CNTNAP2: variants seen among roughly 807,000 people sequenced by gnomAD.
CNTNAP2 encodes contactin associated protein 2.
Under a neutral mutation model 155.2 loss-of-function variants are expected in CNTNAP2, and 98 were observed. The ratio of observed to expected loss-of-function variants is 0.63; its 90% CI spans 0.54 to 0.75. The LOEUF is 0.75. Among genes scored for constraint, CNTNAP2 ranks in the 30% least tolerant of loss-of-function variants. CNTNAP2 has a pLI of 0.00. For synonymous variants in CNTNAP2, 651 were observed against 631.2 expected, an observed-to-expected ratio of 1.03 and a Z score of -0.47; for missense variants, 1,727 against 1,688.1, an observed-to-expected ratio of 1.02 and a Z score of -0.40.
At chr7:146,277,046 G>A (rs1050599483) in intron 1 of CNTNAP2, among the ~76,000 whole-genome samples, 13 of 152,122 alleles carry the variant, frequency 8.5e-5, no homozygotes, top group Admixed American at 2.0e-4. Flanking sequence ...TCCAATGAGC[G>A]TGTCTTTATG....
intron 8 of CNTNAP2, among the ~76,000 whole-genome samples, chr7:147,249,627 G>GAAAAAA (rs1464227999): frequency 1.7e-5 from 1 of 60,026 alleles, no homozygotes; most frequent in African/African-American, 6.9e-5. Flanking sequence ...AAAAAAAAAG[G>GAAAAAA]TTTCAGCACC....
At chr7:146,537,829 T>TTAGC (rs1797892793) in intron 1 of CNTNAP2, among the ~76,000 whole-genome samples, 1 of 152,008 alleles carries the variant, frequency 6.6e-6, no homozygotes, top group Non-Finnish European at 1.5e-5. Flanking sequence ...GTGGGGGATA[T>TTAGC]TAGCAGCAGA....
intron 8 of CNTNAP2, among the ~76,000 whole-genome samples, chr7:147,154,817 T>C (rs1257759275): frequency 6.6e-6 from 1 of 151,922 alleles, no homozygotes; most frequent in Non-Finnish European, 1.5e-5. Context: ...TACAGGTAAA[T>C]ATTTCTCTGA....
At chr7:146,914,449 C>T (rs1013045256) in intron 3 of CNTNAP2, among the ~76,000 whole-genome samples, 15 of 152,034 alleles carry the variant, frequency 9.9e-5, no homozygotes, top group African/African-American at 3.6e-4. Context: ...ACATCCACGC[C>T]AACATCTATT....
chr7:147,696,863 A>T (rs950469718), intron 13 of CNTNAP2, among the ~76,000 whole-genome samples: 1 of 151,728 alleles, frequency 6.6e-6, no homozygotes, highest in African/African-American at 2.4e-5. Context: ...CTCTGAGGAG[A>T]TGTCAGACGT....
At chr7:146,338,910 C>T (rs79735940) in intron 1 of CNTNAP2, among the ~76,000 whole-genome samples, 31 of 152,096 alleles carry the variant, frequency 2.0e-4, no homozygotes, top group African/African-American at 7.2e-4. Context: ...AGGCCAGGCA[C>T]TATGGCTCAT....
At chr7:147,807,835 G>T in intron 13 of CNTNAP2, among the ~76,000 whole-genome samples, 1 of 152,204 alleles carries the variant, frequency 6.6e-6, no homozygotes, top group African/African-American at 2.4e-5. Context: ...GTTGTTTTGA[G>T]TTAAGCATTA....
chr7:148,217,655 CT>C (rs1299210908), intron 19 of CNTNAP2, 131 bp downstream of exon 19: 1 of 976,666 alleles, frequency 1.0e-6, no homozygotes, highest in Non-Finnish European at 1.6e-6. Context: ...CACATAACTT[CT>C]TTGAACCCCA....
intron 21 of CNTNAP2, among the ~76,000 whole-genome samples, chr7:148,373,046 G>C (rs1402213983): frequency 6.6e-6 from 1 of 152,134 alleles, no homozygotes; most frequent in Non-Finnish European, 1.5e-5. Context: ...GAGGTCTTCA[G>C]GGGCAGTGAC....
intron 1 of CNTNAP2, among the ~76,000 whole-genome samples, chr7:146,532,374 C>T (rs73164069): frequency 0.038 from 5,851 of 152,176 alleles, 143 homozygotes; most frequent in South Asian, 0.058. Context: ...AAGTTCTCTG[C>T]TTATAATTTT....
intron 8 of CNTNAP2, among the ~76,000 whole-genome samples, chr7:147,209,071 G>C (rs2116567442): frequency 6.6e-6 from 1 of 151,904 alleles, no homozygotes; most frequent in South Asian, 2.1e-4. Flanking sequence ...GGTTATCCGG[G>C]GTCCTTTATG....
At chr7:148,027,486 G>A (rs11771401) in intron 15 of CNTNAP2, among the ~76,000 whole-genome samples, 1 of 152,094 alleles carries the variant, frequency 6.6e-6, no homozygotes, top group South Asian at 2.1e-4. Flanking sequence ...AGTGATTATG[G>A]GTTCATGGAA....
intron 13 of CNTNAP2, among the ~76,000 whole-genome samples, chr7:147,708,983 A>G (rs1209785207): frequency 6.6e-6 from 1 of 152,138 alleles, no homozygotes; most frequent in Admixed American, 6.5e-5. Flanking sequence ...TAAGAACTCC[A>G]TACAGCCCAT....
At chr7:146,957,758 T>G (rs1797466113) in intron 3 of CNTNAP2, among the ~76,000 whole-genome samples, 1 of 152,022 alleles carries the variant, frequency 6.6e-6, no homozygotes, top group Non-Finnish European at 1.5e-5. Context: ...ATGTACTCCA[T>G]AAAAATACAC....
chr7:148,061,639 G>A (rs1174370579), intron 15 of CNTNAP2, among the ~76,000 whole-genome samples: 1 of 152,046 alleles, frequency 6.6e-6, no homozygotes, highest in Non-Finnish European at 1.5e-5. Context: ...ACAGGTGTGA[G>A]CCACCACACC....
chr7:147,328,941 A>G (rs752359064), intron 9 of CNTNAP2, among the ~76,000 whole-genome samples: 1 of 152,156 alleles, frequency 6.6e-6, no homozygotes, highest in African/African-American at 2.4e-5. Context: ...CTTTTCCTTC[A>G]GTATGCATTT....
At chr7:147,563,047 C>G (rs968315511) in intron 12 of CNTNAP2, among the ~76,000 whole-genome samples, 20 of 152,212 alleles carry the variant, frequency 1.3e-4, no homozygotes, top group Admixed American at 6.5e-4. Flanking sequence ...GACTGTTTAC[C>G]ATCTGTCAAG....
chr7:147,170,165 G>A (rs377637476), intron 8 of CNTNAP2, among the ~76,000 whole-genome samples: 26 of 152,128 alleles, frequency 1.7e-4, no homozygotes, highest in Admixed American at 1.6e-3. Flanking sequence ...CTGTGCAGGG[G>A]TTTTTGTTTG....
At chr7:147,226,166 T>C (rs1272899446) in intron 8 of CNTNAP2, among the ~76,000 whole-genome samples, 2 of 152,134 alleles carry the variant, frequency 1.3e-5, no homozygotes, top group African/African-American at 4.8e-5. Flanking sequence ...TCTGATAAGG[T>C]GTCATTATCC....
Sources: gnomAD v4.1 joint callset for allele counts (sites outside exome capture counted in the v4.1 genomes callset) on GRCh38, gnomAD v4.1.1 for gene constraint, MANE v1.5 for transcripts, NCBI Gene and HGNC (gene_info 2026-07-23, HGNC 2026-07-21) for gene names.